Variants in EYS observed in about 807,000 individuals in gnomAD.
EYS encodes the protein EGF-like photoreceptor maintenance factor, also known as protein eyes shut homolog.
A neutral mutation model predicts 282.1 loss-of-function variants in EYS; 250 were observed. The ratio of observed to expected loss-of-function variants is 0.89; its 90% CI spans 0.80 to 0.98. The LOEUF (loss-of-function observed/expected upper bound fraction) is 0.98, where lower values mean the gene tolerates loss of function less well. EYS is among the 50% of genes least tolerant of loss of function. The pLI is 0.00. For missense variants in EYS, 4,016 were observed against 3,709.0 expected (o/e 1.08, Z -2.15); for synonymous variants, 1,355 against 1,282.9 (o/e 1.06, Z -1.20).
intron 5 of EYS, among the ~76,000 whole-genome samples, chr6:65,411,880 A>G (rs1393487633): frequency 6.6e-6 from 1 of 151,200 alleles, no homozygotes; most frequent in Non-Finnish European, 1.5e-5. Flanking sequence ...CAGTTTGTTT[A>G]ACCATTCACT....
intron 29 of EYS, among the ~76,000 whole-genome samples, chr6:64,380,794 G>A (rs1365403846): frequency 6.6e-6 from 1 of 152,122 alleles, no homozygotes; most frequent in Non-Finnish European, 1.5e-5. Context: ...AAGGCAGGTG[G>A]ATCGTGAAGT....
At chr6:65,514,221 C>T (rs1054174843) in intron 2 of EYS, among the ~76,000 whole-genome samples, 5 of 151,928 alleles carry the variant, frequency 3.3e-5, no homozygotes, top group Non-Finnish European at 7.4e-5. Flanking sequence ...ACCTAGGAAT[C>T]CAACTTACAA....
At chr6:64,216,571 A>G (rs913152033) in intron 31 of EYS, among the ~76,000 whole-genome samples, 3 of 152,202 alleles carry the variant, frequency 2.0e-5, no homozygotes, top group African/African-American at 7.2e-5. Context: ...TTCCCCACAT[A>G]TTGCTGATCT....
intron 22 of EYS, among the ~76,000 whole-genome samples, chr6:64,767,250 G>A (rs1014810091): frequency 1.6e-4 from 25 of 151,844 alleles, no homozygotes; most frequent in African/African-American, 4.8e-4. Flanking sequence ...TCATCATACC[G>A]TACATTTATT....
At chr6:65,308,599 T>G (rs914590018) in intron 11 of EYS, among the ~76,000 whole-genome samples, 1 of 147,616 alleles carries the variant, frequency 6.8e-6, no homozygotes, top group Non-Finnish European at 1.5e-5. Flanking sequence ...AGCTCAACAT[T>G]GCACAAACAG....
At chr6:65,024,025 T>C (rs1772325275) in intron 13 of EYS, among the ~76,000 whole-genome samples, 1 of 152,162 alleles carries the variant, frequency 6.6e-6, no homozygotes. Flanking sequence ...GCCATAGCCC[T>C]CTTCTTTAAA....
In EYS at chr6:64,725,346, G is replaced by A. The variant is rs2149947037; in HGVS notation, c.3443+88032C>T. Among the ~76,000 whole-genome samples, 3 of 152,088 alleles carry A rather than the reference G, an allele frequency of 2.0e-5. No individual in the cohort carries two copies. The South Asian group carries it at 6.2e-4, about 32-fold the overall frequency. ...TTGAGGAGAGGGTTTCATGTTTTGA[G>A]TTACTTTCCTATCGTGTTCTCCCAG... On this transcript the variant is annotated intron_variant, in intron 22 of 42. Coordinates refer to ENST00000503581, the MANE Select transcript of EYS (RefSeq NM_001142800.2).
At chr6:64,357,964 C>T (rs1582647487) in intron 29 of EYS, among the ~76,000 whole-genome samples, 1 of 151,580 alleles carries the variant, frequency 6.6e-6, no homozygotes, top group African/African-American at 2.4e-5. Context: ...TTACAGATTG[C>T]ATTCAAGTAT....
At chr6:65,531,676 C>T (rs1767774413) in intron 2 of EYS, among the ~76,000 whole-genome samples, 1 of 152,152 alleles carries the variant, frequency 6.6e-6, no homozygotes, top group African/African-American at 2.4e-5. Flanking sequence ...GCACGCTGCT[C>T]AGTGTGGGCA....
At chr6:64,766,649 A>AAAAAAATATATATAT (rs1387919586) in intron 22 of EYS, among the ~76,000 whole-genome samples, 4 of 19,068 alleles carry the variant, frequency 2.1e-4, no homozygotes, top group African/African-American at 7.3e-4. Flanking sequence ...AAAAAAAAAA[A>AAAAAAATATATATAT]ATATATATAT....
intron 2 of EYS, among the ~76,000 whole-genome samples, chr6:65,559,285 G>C (rs1768939409): frequency 6.6e-6 from 1 of 152,116 alleles, no homozygotes; most frequent in Non-Finnish European, 1.5e-5. Context: ...CAAAGGCTGA[G>C]GCACAAGAAC....
At chr6:64,919,886 C>A (rs1053082803) in intron 15 of EYS, among the ~76,000 whole-genome samples, 1 of 152,034 alleles carries the variant, frequency 6.6e-6, no homozygotes, top group Non-Finnish European at 1.5e-5. Context: ...AAATGCCAGA[C>A]AAGCAGAGGC....
At chr6:63,737,556 G>T (rs905080203) in intron 41 of EYS, among the ~76,000 whole-genome samples, 3 of 151,988 alleles carry the variant, frequency 2.0e-5, no homozygotes, top group East Asian at 3.9e-4. Flanking sequence ...TCTCTTTTTT[G>T]GTTGTGTCCC....
intron 12 of EYS, among the ~76,000 whole-genome samples, chr6:65,092,513 A>T (rs1324910160): frequency 6.6e-6 from 1 of 152,208 alleles, no homozygotes; most frequent in Non-Finnish European, 1.5e-5. Flanking sequence ...ATAATATAAC[A>T]ATCATCTTAC....
At chr6:65,322,073 A>C (rs1431159399) in intron 11 of EYS, among the ~76,000 whole-genome samples, 1 of 152,230 alleles carries the variant, frequency 6.6e-6, no homozygotes, top group Non-Finnish European at 1.5e-5. Context: ...GGAGACGCTT[A>C]GCCTAATTAA....
chr6:64,302,161 T>G (rs1769259905), intron 30 of EYS, among the ~76,000 whole-genome samples: 1 of 152,164 alleles, frequency 6.6e-6, no homozygotes, highest in Non-Finnish European at 1.5e-5. Context: ...CAACCAGACC[T>G]TCAGGTTGTG....
intron 22 of EYS, among the ~76,000 whole-genome samples, chr6:64,779,014 C>G (rs1431245449): frequency 1.3e-5 from 2 of 152,144 alleles, no homozygotes; most frequent in Admixed American, 1.3e-4. Flanking sequence ...GTATGCGGAG[C>G]AACAGGAACT....
intron 29 of EYS, among the ~76,000 whole-genome samples, chr6:64,322,318 T>G (rs1053574580): frequency 6.6e-6 from 1 of 152,078 alleles, no homozygotes; most frequent in African/African-American, 2.4e-5. Flanking sequence ...GGCTAGGTGT[T>G]GGTGCAATAT....
chr6:65,224,784 T>A (rs147006831), intron 12 of EYS, among the ~76,000 whole-genome samples: 1 of 152,136 alleles, frequency 6.6e-6, no homozygotes, highest in African/African-American at 2.4e-5. Context: ...AAGGAATACT[T>A]AGTTCTATGC....
Sources: allele counts gnomAD v4.1 joint callset (sites outside exome capture counted in the v4.1 genomes callset), GRCh38; gene constraint gnomAD v4.1.1; transcripts MANE v1.5; gene names NCBI Gene and HGNC (gene_info 2026-07-23, HGNC 2026-07-21).